SPOCK3: variants seen among roughly 807,000 people sequenced by gnomAD.
The protein encoded by SPOCK3 is SPARC (osteonectin), cwcv and kazal like domains proteoglycan 3.
A neutral mutation model predicts 56.6 loss-of-function variants in SPOCK3; 30 were observed. The observed-to-expected ratio is 0.53, with a 90% CI of 0.40 to 0.72. The LOEUF is 0.72. Ranked by LOEUF, SPOCK3 falls within the 30% of genes least tolerant of loss-of-function variation. SPOCK3 has a pLI of 0.00. For missense variants in SPOCK3, 527 were observed against 530.0 expected, an observed-to-expected ratio of 0.99 and a Z score of 0.06; for synonymous variants, 196 against 183.3, an observed-to-expected ratio of 1.07 and a Z score of -0.56.
intron 4 of SPOCK3, among the ~76,000 whole-genome samples, chr4:166,987,336 C>T (rs1199295077): frequency 2.0e-5 from 3 of 152,196 alleles, no homozygotes; most frequent in Non-Finnish European, 4.4e-5. Context: ...ATTCTTCAAA[C>T]ATTATCTATA....
At position 167,182,132 on chromosome 4, in the gene SPOCK3, A is replaced by T. The variant is rs1489656919; in HGVS notation, c.189+51853T>A. Among the ~76,000 whole-genome samples, 3 of 152,270 alleles carry T rather than the reference A, an allele frequency of 2.0e-5. No homozygotes were observed. In the East Asian group the frequency reaches 5.8e-4, roughly 29 times the overall value. Reference sequence around the variant, plus strand: ...AGTTACAATTTGTAAAATTCTAGCAATTTTTCTGTTTACAACAAAATATTA... The same window carrying T: ...AGTTACAATTTGTAAAATTCTAGCATTTTTTCTGTTTACAACAAAATATTA... On this transcript the variant is annotated intron_variant, in intron 2 of 10. Transcript: ENST00000357545.
At chr4:167,181,192 G>A (rs1038770219) in intron 2 of SPOCK3, among the ~76,000 whole-genome samples, 16 of 151,974 alleles carry the variant, frequency 1.1e-4, no homozygotes, top group Non-Finnish European at 2.1e-4. Context: ...GAATTTCTCT[G>A]TGAACATCCT....
intron 4 of SPOCK3, among the ~76,000 whole-genome samples, chr4:166,996,684 G>C (rs563374198): frequency 6.6e-6 from 1 of 152,240 alleles, no homozygotes; most frequent in Non-Finnish European, 1.5e-5. Context: ...CACCTGCTCT[G>C]AGACCAGTTC....
chr4:167,119,073 C>T (rs2150360997), intron 2 of SPOCK3, among the ~76,000 whole-genome samples: 1 of 139,536 alleles, frequency 7.2e-6, no homozygotes, highest in Non-Finnish European at 1.5e-5. Flanking sequence ...GAAAGGTGAA[C>T]CAACAGCTGT....
At chr4:167,145,036 A>T (rs1193287114) in intron 2 of SPOCK3, among the ~76,000 whole-genome samples, 15 of 151,998 alleles carry the variant, frequency 9.9e-5, no homozygotes, top group African/African-American at 2.4e-5. Context: ...AAATTGGGAG[A>T]TATTAAATTA....
chr4:166,806,010 C>G, intron 6 of SPOCK3, among the ~76,000 whole-genome samples: 1 of 151,958 alleles, frequency 6.6e-6, no homozygotes, highest in African/African-American at 2.4e-5. Flanking sequence ...ATACTCCATA[C>G]ACTGGATTCA....
At chr4:166,777,605 G>T (rs1412235705) in intron 7 of SPOCK3, among the ~76,000 whole-genome samples, 2 of 152,126 alleles carry the variant, frequency 1.3e-5, no homozygotes, top group African/African-American at 2.4e-5. Context: ...GTGGTGGTAT[G>T]CACCTACAGT....
At chr4:167,170,796 T>C (rs777380360) in intron 2 of SPOCK3, among the ~76,000 whole-genome samples, 13 of 152,144 alleles carry the variant, frequency 8.5e-5, no homozygotes, top group Non-Finnish European at 1.5e-4. Context: ...TGTTTCAGAA[T>C]GTGGAGGTGT....
intron 2 of SPOCK3, among the ~76,000 whole-genome samples, chr4:167,094,351 CAT>C (rs763230949): frequency 1.7e-4 from 26 of 152,076 alleles, no homozygotes; most frequent in Admixed American, 6.6e-4. Flanking sequence ...CACTAATAAA[CAT>C]ATGTGTAAAA....
chr4:166,964,065 T>A (rs1380153987), intron 4 of SPOCK3, among the ~76,000 whole-genome samples: 1 of 151,712 alleles, frequency 6.6e-6, no homozygotes, highest in Non-Finnish European at 1.5e-5. Context: ...TATATAAGAT[T>A]GTGTACTCTG....
intron 2 of SPOCK3, among the ~76,000 whole-genome samples, chr4:167,215,396 C>T (rs1735259061): frequency 6.6e-6 from 1 of 151,924 alleles, no homozygotes; most frequent in African/African-American, 2.4e-5. Context: ...AAAAGTGCTT[C>T]AGGGACTCAT....
intron 3 of SPOCK3, among the ~76,000 whole-genome samples, chr4:167,012,003 T>C (rs1186382281): frequency 6.6e-6 from 1 of 152,002 alleles, no homozygotes; most frequent in Non-Finnish European, 1.5e-5. Flanking sequence ...CTTTTAAAAA[T>C]ACAGTTTATT....
chr4:166,919,682 A>G (rs1738272193), intron 4 of SPOCK3, among the ~76,000 whole-genome samples: 1 of 152,296 alleles, frequency 6.6e-6, no homozygotes, highest in East Asian at 1.9e-4. Context: ...AATGATCTTC[A>G]TTGTATAAGA....
intron 6 of SPOCK3, among the ~76,000 whole-genome samples, chr4:166,841,702 CCT>C (rs1553985260): frequency 3.3e-5 from 5 of 152,088 alleles, no homozygotes; most frequent in Admixed American, 6.5e-5. Context: ...CAAATCTTCC[CCT>C]GTGCCTGTGG....
At chr4:166,948,838 G>A (rs565660353) in intron 4 of SPOCK3, among the ~76,000 whole-genome samples, 6 of 151,856 alleles carry the variant, frequency 4.0e-5, no homozygotes, top group Admixed American at 6.6e-5. Flanking sequence ...TGCTCTTCTC[G>A]AGGAGTATCT....
intron 2 of SPOCK3, chr4:167,102,456 A>C (rs1035680580): frequency 3.3e-5 from 5 of 152,184 alleles, no homozygotes; most frequent in African/African-American, 2.4e-5. Flanking sequence ...ACTTCATATC[A>C]CCAAGAAGCA....
At chr4:167,221,378 AATAAT>A (rs1300410380) in intron 2 of SPOCK3, among the ~76,000 whole-genome samples, 1 of 152,058 alleles carries the variant, frequency 6.6e-6, no homozygotes, top group Non-Finnish European at 1.5e-5. Context: ...TTAAAAAATA[AATAAT>A]ATAATATAAT....
intron 3 of SPOCK3, among the ~76,000 whole-genome samples, chr4:167,050,337 C>A (rs1466583192): frequency 6.6e-6 from 1 of 152,066 alleles, no homozygotes. Flanking sequence ...CATAAAATAA[C>A]AAATTTTGGA....
At chr4:167,003,475 GA>G (rs1749151012) in intron 3 of SPOCK3, among the ~76,000 whole-genome samples, 1 of 152,092 alleles carries the variant, frequency 6.6e-6, no homozygotes, top group African/African-American at 2.4e-5. Flanking sequence ...TTTTATTCTT[GA>G]AACCACAACA....
Sources: gnomAD v4.1 joint callset for allele counts (sites outside exome capture counted in the v4.1 genomes callset) on GRCh38, gnomAD v4.1.1 for gene constraint, MANE v1.5 for transcripts, NCBI Gene and HGNC (gene_info 2026-07-23, HGNC 2026-07-21) for gene names.